Variants in PAPSS2 observed in about 807,000 individuals in gnomAD.
PAPSS2 encodes the protein bifunctional 3'-phosphoadenosine 5'-phosphosulfate synthase 2.
A neutral mutation model predicts 66.5 loss-of-function variants in PAPSS2; 61 were observed. That is an observed-to-expected ratio of 0.92 (90% confidence interval 0.75 to 1.14). The LOEUF (loss-of-function observed/expected upper bound fraction) is 1.14. Ranked by LOEUF, PAPSS2 falls within the 50% of genes most tolerant of loss-of-function variation. PAPSS2 has a pLI of 0.00. For synonymous variants in PAPSS2, 289 were observed against 287.5 expected (o/e 1.01, Z -0.05); for missense variants, 708 against 789.6 (o/e 0.90, Z 1.24).
chr10:87,727,544 A>G, intron 9 of PAPSS2, 55 bp downstream of exon 9: 1 of 1,395,202 alleles, frequency 7.2e-7, no homozygotes, highest in South Asian at 1.2e-5. Flanking sequence ...CTGAGAAGAA[A>G]AATAACTCTT....
intron 7 of PAPSS2, 125 bp from the exon 8 acceptor site, chr10:87,721,631 C>A (rs1232095335): frequency 4.6e-6 from 3 of 657,390 alleles, no homozygotes; most frequent in Non-Finnish European, 2.7e-6. Context: ...CATGACAAAG[C>A]TAGTATATTT....
chr10:87,729,319 C>T lies in PAPSS2; in HGVS notation c.1086+1830C>T, dbSNP rs80264132. On this transcript the variant is annotated intron_variant, in intron 9 of 12. Transcript: ENST00000456849. ...AGTGCCATTTTCCCAGCAGCGTGTG[C>T]TCATTTTGTGTCTCTGTGTCACATT... Among the ~76,000 whole-genome samples, 504 of 151,574 alleles carry T rather than the reference C, an allele frequency of 3.3e-3. 8 individuals are homozygous for T. The East Asian group carries it at 0.039, about 12-fold the overall frequency.
intron 1 of PAPSS2, among the ~76,000 whole-genome samples, chr10:87,705,193 G>C (rs1403073940): frequency 1.3e-5 from 2 of 152,094 alleles, no homozygotes; most frequent in Non-Finnish European, 2.9e-5. Flanking sequence ...AGTTTTTTTG[G>C]ATAAGGCTTC....
chr10:87,706,108 A>ATATATATATATGTGTG, intron 1 of PAPSS2, among the ~76,000 whole-genome samples: 1 of 52,002 alleles, frequency 1.9e-5, no homozygotes, highest in African/African-American at 1.0e-4. Flanking sequence ...ATATATATAT[A>ATATATATATATGTGTG]TGTGTGTGTG....
chr10:87,673,689 CTT>C (rs34935261), intron 1 of PAPSS2, among the ~76,000 whole-genome samples: 9,245 of 67,228 alleles, frequency 0.14, 232 homozygotes, highest in South Asian at 0.18. Context: ...TTTTGGCTTA[CTT>C]TTTTTTTTTT....
At chr10:87,687,273 G>T (rs2131909596) in intron 1 of PAPSS2, among the ~76,000 whole-genome samples, 1 of 152,206 alleles carries the variant, frequency 6.6e-6, no homozygotes, top group Admixed American at 6.5e-5. Flanking sequence ...TAATCAAAAT[G>T]ATAAAATAAG....
At chr10:87,715,137 A>T in intron 6 of PAPSS2, 39 bp downstream of exon 6, 1 of 985,876 alleles carries the variant, frequency 1.0e-6, no homozygotes, top group Non-Finnish European at 1.6e-6. Context: ...TAGGCTTAAT[A>T]TCAGTCATTA....
chr10:87,720,521 C>T (rs1283112387), intron 7 of PAPSS2, among the ~76,000 whole-genome samples: 1 of 152,158 alleles, frequency 6.6e-6, no homozygotes, highest in Admixed American at 6.6e-5. Flanking sequence ...TGAGTCACTG[C>T]CATTGAAAAT....
intron 7 of PAPSS2, 58 bp downstream of exon 7, chr10:87,715,901 C>G: frequency 2.6e-6 from 3 of 1,168,242 alleles, no homozygotes; most frequent in Non-Finnish European, 3.9e-6. Flanking sequence ...AAAATCTTTC[C>G]CAGAAGTTTT....
At chr10:87,690,404 G>A (rs1006257739) in intron 1 of PAPSS2, among the ~76,000 whole-genome samples, 1 of 152,146 alleles carries the variant, frequency 6.6e-6, no homozygotes, top group Non-Finnish European at 1.5e-5. Flanking sequence ...TGTAAGGAAC[G>A]AATAGAAATG....
intron 1 of PAPSS2, among the ~76,000 whole-genome samples, chr10:87,703,533 C>A (rs6586098): frequency 0.53 from 79,688 of 151,530 alleles, 22,592 homozygotes; most frequent in African/African-American, 0.74. Context: ...GCTATTTTAT[C>A]TAGATAATTC....
In PAPSS2 at chr10:87,713,270, G is replaced by C. The variant is rs367585217; in HGVS notation, c.341G>C (p.Gly114Ala). 19 of 1,556,946 alleles carry C rather than the reference G, an allele frequency of 1.2e-5. No homozygotes were observed. In the East Asian group the frequency reaches 2.4e-4, roughly 19 times the overall value. The change falls in exon 3 of 13, where the codon GGT becomes GCT. Residue 114 changes from glycine (G) to alanine (A), a missense_variant. Transcript: ENST00000456849. ...GTGGCTAAGCTGTTTGCTGATGCTGGTCTGGTCTGCATTACCAGCTTTATT... is the reference window on the plus strand; with the variant it reads ...GTGGCTAAGCTGTTTGCTGATGCTGCTCTGGTCTGCATTACCAGCTTTATT... ...AEVAKLFADAGLVCITSFISP... is the reference protein window; with the variant it reads ...AEVAKLFADAALVCITSFISP...
intron 1 of PAPSS2, among the ~76,000 whole-genome samples, chr10:87,689,942 A>G (rs757393748): frequency 6.6e-6 from 1 of 152,204 alleles, no homozygotes; most frequent in Non-Finnish European, 1.5e-5. Flanking sequence ...AAAAGTCTTG[A>G]TATACTCTGT....
At chr10:87,660,354 C>A in intron 1 of PAPSS2, 1 of 474,054 alleles carries the variant, frequency 2.1e-6, no homozygotes, top group Admixed American at 3.5e-5. Flanking sequence ...CCAGACCCGC[C>A]TTTTCTTCTG....
At chr10:87,734,954 T>G (rs1853779100) in intron 9 of PAPSS2, among the ~76,000 whole-genome samples, 2 of 151,990 alleles carry the variant, frequency 1.3e-5, no homozygotes, top group Non-Finnish European at 2.9e-5. Context: ...TTGGCCTCTT[T>G]GAGCCTATTT....
rs150484850 is a variant in PAPSS2, at chr10:87,717,555, T to G, written c.865+1712T>G. Among the ~76,000 whole-genome samples the G allele has an allele frequency of 2.2e-4, 34 of 152,292 alleles. No homozygotes were observed. The East Asian group carries it at 6.0e-3, about 27-fold the overall frequency. Reference sequence around the variant, plus strand: ...TATAGCTTTTGATAGATTCTGTTTTTTCCTTTAATTATTTTTTATTTTTTA... The same window carrying G: ...TATAGCTTTTGATAGATTCTGTTTTGTCCTTTAATTATTTTTTATTTTTTA... On this transcript the variant is annotated intron_variant, in intron 7 of 12. Coordinates refer to ENST00000456849, the MANE Select transcript of PAPSS2 (RefSeq NM_001015880.2).
At chr10:87,697,459 G>A (rs1309872647) in intron 1 of PAPSS2, among the ~76,000 whole-genome samples, 1 of 152,190 alleles carries the variant, frequency 6.6e-6, no homozygotes, top group Non-Finnish European at 1.5e-5. Context: ...GCACCAAGGA[G>A]GGTGCCAAGG....
At chr10:87,664,384 T>C (rs2131892148) in intron 1 of PAPSS2, among the ~76,000 whole-genome samples, 1 of 152,342 alleles carries the variant, frequency 6.6e-6, no homozygotes, top group East Asian at 1.9e-4. Context: ...AGATAATCCA[T>C]GCATAGAGTA....
intron 1 of PAPSS2, among the ~76,000 whole-genome samples, chr10:87,675,169 T>G (rs921401934): frequency 6.6e-6 from 1 of 152,248 alleles, no homozygotes; most frequent in African/African-American, 2.4e-5. Flanking sequence ...CAACACCCTC[T>G]TAGTCATAGC....
Sources: gnomAD v4.1 joint callset for allele counts (sites outside exome capture counted in the v4.1 genomes callset) on GRCh38, gnomAD v4.1.1 for gene constraint, MANE v1.5 for transcripts, NCBI Gene and HGNC (gene_info 2026-07-23, HGNC 2026-07-21) for gene names.